Variants in RBM38 observed in about 807,000 individuals in gnomAD.
The protein encoded by RBM38 is RNA binding motif protein 38.
RBM38 carries 11 observed loss-of-function variants against 23.5 expected under a neutral mutation model. The observed-to-expected ratio is 0.47, with a 90% confidence interval of 0.29 to 0.77. RBM38 has a LOEUF of 0.77. Ranked by LOEUF, RBM38 falls within the 30% of genes least tolerant of loss-of-function variation. The pLI is 0.08. For missense variants in RBM38, 330 were observed against 351.9 expected, an observed-to-expected ratio of 0.94 and a Z score of 0.50; for synonymous variants, 165 against 166.1, an observed-to-expected ratio of 0.99 and a Z score of 0.05.
At chr20:57,396,293 G>A (rs560162418) in intron 3 of RBM38, among the ~76,000 whole-genome samples, 2 of 152,344 alleles carry the variant, frequency 1.3e-5, no homozygotes, top group East Asian at 1.9e-4. Context: ...TGGCAAGCAC[G>A]TGGTAGTCAC....
chr20:57,406,220 C>T (rs1006408871), intron 3 of RBM38, among the ~76,000 whole-genome samples: 2 of 152,220 alleles, frequency 1.3e-5, no homozygotes, highest in African/African-American at 4.8e-5. Flanking sequence ...GCGGCTTGCC[C>T]CAGGCCACCG....
intron 3 of RBM38, chr20:57,399,837 C>T (rs41274740): frequency 0.029 from 13,319 of 455,370 alleles, 290 homozygotes; most frequent in Non-Finnish European, 0.039. Context: ...ACCCTAAGAG[C>T]TGCGGTCCGT....
intron 3 of RBM38, among the ~76,000 whole-genome samples, chr20:57,399,654 C>T (rs112276662): frequency 0.018 from 2,727 of 152,280 alleles, 78 homozygotes; most frequent in African/African-American, 0.062. Flanking sequence ...ACAGAGAGGG[C>T]GTTCGACCTG....
At chr20:57,401,204 C>T (rs1043578209) in intron 3 of RBM38, among the ~76,000 whole-genome samples, 24 of 152,210 alleles carry the variant, frequency 1.6e-4, no homozygotes, top group Admixed American at 4.6e-4. Flanking sequence ...AAGGAGGCGT[C>T]GATGCTGCTG....
intron 3 of RBM38, among the ~76,000 whole-genome samples, chr20:57,397,350 C>T (rs546155416): frequency 1.3e-5 from 2 of 152,318 alleles, no homozygotes; most frequent in South Asian, 2.1e-4. Context: ...CTGTGGGCTG[C>T]GAGACTCTTG....
chr20:57,405,655 G>A (rs2067376065), intron 3 of RBM38, among the ~76,000 whole-genome samples: 4 of 152,220 alleles, frequency 2.6e-5, no homozygotes, highest in Admixed American at 2.6e-4. Context: ...AGGTTTTCCT[G>A]GTTTCCACCG....
intron 3 of RBM38, among the ~76,000 whole-genome samples, chr20:57,398,249 C>CGT (rs3067272): frequency 0.04 from 5,920 of 149,072 alleles, 168 homozygotes; most frequent in Admixed American, 0.1. Flanking sequence ...CAGGTGATGG[C>CGT]GTGTGTGTGT....
At chr20:57,395,777 G>T (rs930110990) in intron 3 of RBM38, among the ~76,000 whole-genome samples, 1 of 145,974 alleles carries the variant, frequency 6.9e-6, no homozygotes, top group African/African-American at 2.8e-5. Flanking sequence ...AGCTGGGCCG[G>T]AGCTGGAGAG....
chr20:57,396,720 C>A (rs2067278293), intron 3 of RBM38, among the ~76,000 whole-genome samples: 1 of 152,188 alleles, frequency 6.6e-6, no homozygotes, highest in Non-Finnish European at 1.5e-5. Context: ...CAAGTCATGA[C>A]TACCAAAAAT....
In RBM38 at chr20:57,408,360, G is replaced by A. The variant is rs2067409852; in HGVS notation, c.*514G>A. ...GGTGTGAGGACACGGCCTCCTGTTG[G>A]AGTCCCATTTTCTCCATCAGGGCAC... On this transcript the variant is annotated 3_prime_UTR_variant, in exon 4 of 4. Coordinates refer to ENST00000356208, the MANE Select transcript of RBM38 (RefSeq NM_017495.6). The A allele has an allele frequency of 6.3e-6, 1 of 159,538 alleles. No homozygotes were observed. The highest frequency in any genetic ancestry group is 1.4e-5 in the Non-Finnish European group (1 of 71,620). The allele number at this position is 159,538 out of a possible 1,614,324, so 9.9% of individuals were successfully genotyped here.
intron 3 of RBM38, among the ~76,000 whole-genome samples, chr20:57,404,200 C>T (rs185486676): frequency 8.7e-4 from 132 of 152,312 alleles, no homozygotes; most frequent in Middle Eastern, 3.4e-3. Flanking sequence ...CCCAGCTGCC[C>T]CACAGCCCCA....
chr20:57,393,791 C>G (rs1346343957), intron 3 of RBM38, among the ~76,000 whole-genome samples: 1 of 152,190 alleles, frequency 6.6e-6, no homozygotes, highest in Non-Finnish European at 1.5e-5. Flanking sequence ...TCATTGCTAC[C>G]AAGGTCTGAT....
At chr20:57,401,581 G>A (rs1190483223) in intron 3 of RBM38, among the ~76,000 whole-genome samples, 6 of 152,256 alleles carry the variant, frequency 3.9e-5, no homozygotes, top group Admixed American at 2.0e-4. Flanking sequence ...CACTTGGGAC[G>A]CAGCAGCTGA....
At position 57,408,091 on chromosome 20, in the gene RBM38, G is replaced by T; in HGVS notation, c.*245G>T. 1 of 573,484 alleles carries T rather than the reference G, an allele frequency of 1.7e-6. No homozygotes were observed. Among genetic ancestry groups the T allele is most frequent in the East Asian group, 2.9e-5 (1 of 33,912 alleles). The allele number at this position is 573,484 out of a possible 1,614,324, so 35.5% of individuals were successfully genotyped here. ...GAATGACTGAGAACTATTTAAAGAC[G>T]CAATCCCAGGTTCCTTGCACACCAT... On this transcript the variant is annotated 3_prime_UTR_variant, in exon 4 of 4. Transcript: ENST00000356208.
At position 57,409,295 on chromosome 20, in the gene RBM38, C is replaced by T. The variant is rs1183447093; in HGVS notation, c.*1449C>T. ...ATCATAATATTTTTATTAGAATGTT[C>T]TGATGATAAAAATAAAACTTGTTTT... On this transcript the variant is annotated 3_prime_UTR_variant, in exon 4 of 4. Transcript: ENST00000356208. 1 of 152,434 alleles carries T rather than the reference C, an allele frequency of 6.6e-6. No homozygotes were observed. Among genetic ancestry groups the T allele is most frequent in the Non-Finnish European group, 1.5e-5 (1 of 68,044 alleles). 9.4% of individuals were successfully genotyped at this position (152,434 alleles called of 1,614,324 possible). A position where few individuals can be genotyped will look rare whatever the true frequency, so the allele number is the denominator to read the frequency against.
intron 1 of RBM38, 31 bp downstream of exon 1, chr20:57,391,849 C>G (rs765420316): frequency 6.9e-7 from 1 of 1,459,452 alleles, no homozygotes; most frequent in Non-Finnish European, 9.2e-7. Context: ...GGCCCGCACC[C>G]CGCCGCACAC....
In RBM38 at chr20:57,405,693, G is replaced by A. The variant is rs540666992; in HGVS notation, c.417-1850G>A. Among the ~76,000 whole-genome samples the A allele has an allele frequency of 7.9e-5, 12 of 152,314 alleles. No individual in the cohort carries two copies. In the East Asian group the frequency reaches 2.1e-3, roughly 27 times the overall value. The stretch of plus-strand genomic sequence containing the variant: ...GCTGTAGGGCTGCAGGATCCACTGA[G>A]TGCACCTGCCTTTGTGCTGGAAGCC... On this transcript the variant is annotated intron_variant, in intron 3 of 3. Transcript: ENST00000356208.
At chr20:57,403,861 C>CT (rs1218807350) in intron 3 of RBM38, among the ~76,000 whole-genome samples, 12 of 152,234 alleles carry the variant, frequency 7.9e-5, no homozygotes, top group African/African-American at 2.7e-4. Flanking sequence ...ACCTCATGAT[C>CT]TGCCCGCCCC....
chr20:57,397,072 T>TG (rs2067282015), intron 3 of RBM38, among the ~76,000 whole-genome samples: 1 of 152,084 alleles, frequency 6.6e-6, no homozygotes, highest in South Asian at 2.1e-4. Flanking sequence ...GCAAGAGCCC[T>TG]GGGGGTCTGC....
Sources: gnomAD v4.1 joint callset for allele counts (sites outside exome capture counted in the v4.1 genomes callset) on GRCh38, gnomAD v4.1.1 for gene constraint, MANE v1.5 for transcripts, NCBI Gene and HGNC (gene_info 2026-07-23, HGNC 2026-07-21) for gene names.